Variants in MOGAT2 observed in about 807,000 individuals in gnomAD.
The protein encoded by MOGAT2 is 2-acylglycerol O-acyltransferase 2.
Under a neutral mutation model 31.5 loss-of-function variants are expected in MOGAT2, and 27 were observed. That is an observed-to-expected ratio of 0.86 (90% CI 0.63 to 1.18). The LOEUF (loss-of-function observed/expected upper bound fraction) is 1.18. Ranked by LOEUF, MOGAT2 falls within the 50% of genes most tolerant of loss-of-function variation. The pLI, the probability that MOGAT2 is intolerant of heterozygous loss-of-function variation, is 0.00. For synonymous variants in MOGAT2, 163 were observed against 170.0 expected (o/e 0.96, Z 0.32); for missense variants, 436 against 433.2 (o/e 1.01, Z -0.06).
chr11:75,726,767 C>T (rs1321550629), intron 2 of MOGAT2, among the ~76,000 whole-genome samples: 2 of 141,580 alleles, frequency 1.4e-5, no homozygotes, highest in Admixed American at 7.3e-5. Context: ...GGTGTGATCT[C>T]GGCTCACTGC....
At chr11:75,723,576 C>T (rs2156629) in intron 2 of MOGAT2, among the ~76,000 whole-genome samples, 151,872 of 152,134 alleles carry the variant, frequency 1, 75,809 homozygotes, top group Middle Eastern at 1. Flanking sequence ...ACTACAGACA[C>T]GCACCACCAC....
Position 75,731,610 on chromosome 11 carries a change from G to C in MOGAT2, c.*324G>C, listed in dbSNP as rs1033669472. ...GAGAGCCAAAGCTGCACGGACTCGA[G>C]TCCTAGGCTGCACACCTCACAAGCA... On this transcript the variant is annotated 3_prime_UTR_variant, in exon 6 of 6. Transcript: ENST00000198801. 5.8e-5 allele frequency: 14 copies of C among 240,130 alleles called. No individual in the cohort carries two copies. Among genetic ancestry groups the C allele is most frequent in the Non-Finnish European group, 9.5e-5 (12 of 125,738 alleles). The allele number at this position is 240,130 out of a possible 1,614,324, so 14.9% of individuals were successfully genotyped here.
intron 3 of MOGAT2, 35 bp from the exon 4 acceptor site, chr11:75,727,935 C>G (rs1565301438): frequency 6.4e-7 from 1 of 1,554,556 alleles, no homozygotes. Flanking sequence ...CCTGCTCCCT[C>G]ACCCCATACC....
In MOGAT2 at chr11:75,731,199, G is replaced by C; in HGVS notation, c.918G>C (p.Gln306His). The C allele has an allele frequency of 6.2e-7, 1 of 1,614,154 alleles. No individual in the cohort carries two copies. The highest frequency in any genetic ancestry group is 8.5e-7 in the Non-Finnish European group (1 of 1,180,032). Reference protein sequence around the residue: ...PSEEEVNQLHQRYIKELCNLF... With the variant: ...PSEEEVNQLHHRYIKELCNLF... Reference sequence around the variant, plus strand: ...AGGAGGAGGTGAACCAGCTGCACCAGCGTTATATCAAAGAGCTGTGCAACC... The same window carrying C: ...AGGAGGAGGTGAACCAGCTGCACCACCGTTATATCAAAGAGCTGTGCAACC... Residue 306 changes from glutamine to histidine, a missense_variant, in exon 6 of 6, where the codon CAG becomes CAC. Gln to His is a conservative substitution (Grantham distance 24). Transcript: ENST00000198801.
At chr11:75,720,810 T>A (rs1259693045) in intron 2 of MOGAT2, among the ~76,000 whole-genome samples, 2 of 152,158 alleles carry the variant, frequency 1.3e-5, no homozygotes, top group Non-Finnish European at 2.9e-5. Flanking sequence ...CTGCATGCCT[T>A]CAAATCTCTG....
chr11:75,726,963 T>A (rs1944426952), intron 2 of MOGAT2, among the ~76,000 whole-genome samples: 1 of 152,172 alleles, frequency 6.6e-6, no homozygotes, highest in African/African-American at 2.4e-5. Context: ...GTGCTGGGAT[T>A]ACAGGCGTGA....
chr11:75,726,115 GCT>G (rs1944419281), intron 2 of MOGAT2, among the ~76,000 whole-genome samples: 2 of 152,174 alleles, frequency 1.3e-5, no homozygotes, highest in Admixed American at 1.3e-4. Context: ...AATGACAGCA[GCT>G]CTCTCTCACT....
rs1367435789 is a variant in MOGAT2, at chr11:75,732,174, G to A, written c.*888G>A. ...GTGTGTGCACTGTTTCCACCCTGAG[G>A]CCTGGAAGGATGAATGGAAGCAGCA... On this transcript the variant is annotated 3_prime_UTR_variant, in exon 6 of 6. Coordinates refer to ENST00000198801, the MANE Select transcript of MOGAT2 (RefSeq NM_025098.4). 1 of 152,274 alleles carries A rather than the reference G, an allele frequency of 6.6e-6. No homozygotes were observed. The highest frequency in any genetic ancestry group is 1.5e-5 in the Non-Finnish European group (1 of 68,108). 9.4% of individuals were successfully genotyped at this position (152,274 alleles called of 1,614,324 possible). A position where few individuals can be genotyped will look rare whatever the true frequency, so the allele number is the denominator to read the frequency against.
chr11:75,728,890 C>T lies in MOGAT2; in HGVS notation c.751C>T (p.Gln251Ter), dbSNP rs1485599080. ...SWLRYIQNRL[Q>*]KIMGISLPLF... ...GTTACGCTATATCCAGAATCGGTTG[C>T]AGAAGATCATGGGCATCTCCCTCCC... Residue 251 changes from glutamine to a stop codon, truncating the protein, a stop_gained, in exon 5 of 6, where the codon CAG (glutamine) becomes TAG (stop). Transcript: ENST00000198801. LOFTEE classifies it high-confidence loss of function. 4 of 1,614,208 alleles carry T rather than the reference C, an allele frequency of 2.5e-6. No individual in the cohort carries two copies. The highest frequency in any genetic ancestry group is 3.4e-6 in the Non-Finnish European group (4 of 1,180,042).
Position 75,731,354 on chromosome 11 carries a change from G to T in MOGAT2, c.*68G>T, listed in dbSNP as rs1944478113. On this transcript the variant is annotated 3_prime_UTR_variant, in exon 6 of 6. Coordinates refer to ENST00000198801, the MANE Select transcript of MOGAT2 (RefSeq NM_025098.4). ...GCTGTGCTGAGAAGACTTCCTGGAG[G>T]TGTTTGTTGAACATATCTGCAGAGC... 2 of 1,545,664 alleles carry T rather than the reference G, an allele frequency of 1.3e-6. No individual in the cohort carries two copies. The highest frequency in any genetic ancestry group is 2.4e-5 in the South Asian group (2 of 84,906).
chr11:75,723,747 T>C (rs903402568), intron 2 of MOGAT2, among the ~76,000 whole-genome samples: 1 of 152,190 alleles, frequency 6.6e-6, no homozygotes, highest in African/African-American at 2.4e-5. Context: ...ATGCATTTTA[T>C]GGTGCATAAA....
chr11:75,729,917 G>T (rs1045461686), intron 5 of MOGAT2, among the ~76,000 whole-genome samples: 1 of 151,650 alleles, frequency 6.6e-6, no homozygotes. Flanking sequence ...GGTAATTTTT[G>T]TATTTTTAGT....
At position 75,730,914 on chromosome 11, in the gene MOGAT2, C is replaced by CAAAA. The variant is rs767670159; in HGVS notation, c.851-206_851-203dup. The CAAAA allele has an allele frequency of 8.9e-3, 1,550 of 173,650 alleles. 47 individuals are homozygous for CAAAA. The highest frequency in any genetic ancestry group is 0.058 in the African/African-American group (1,432 of 24,664). 10.8% of individuals were successfully genotyped at this position (173,650 alleles called of 1,614,324 possible). A position where few individuals can be genotyped will look rare whatever the true frequency, so the allele number is the denominator to read the frequency against. On this transcript the variant is annotated intron_variant, in intron 5 of 5. Transcript: ENST00000198801. Reference sequence around the variant, plus strand: ...TGGGCTACAGAGCGAGACTCTACCTCAAAAAAAAAAAAAAAGAAAAGAAAA... The same window carrying CAAAA: ...TGGGCTACAGAGCGAGACTCTACCTCAAAAAAAAAAAAAAAAAAAGAAAAGAAAA...
At position 75,719,983 on chromosome 11, in the gene MOGAT2, C is replaced by G; in HGVS notation, c.92-9C>G. 1 of 1,603,258 alleles carries G rather than the reference C, an allele frequency of 6.2e-7. No homozygotes were observed. Among genetic ancestry groups the G allele is most frequent in the South Asian group, 1.1e-5 (1 of 90,736 alleles). ...CCCTGTCCCTGACAGCTCCTTCTTC[C>G]CTCCCCAGCCGAGATCTGCACTGTG... is the stretch of plus-strand genomic sequence containing the variant. On this transcript the variant is annotated splice_polypyrimidine_tract_variant and intron_variant, in intron 1 of 5. Transcript: ENST00000198801.
chr11:75,718,460 G>A (rs1944348901), intron 1 of MOGAT2, among the ~76,000 whole-genome samples: 1 of 152,110 alleles, frequency 6.6e-6, no homozygotes, highest in Non-Finnish European at 1.5e-5. Context: ...CTGTGGAGTG[G>A]GCATGCTGGG....
intron 2 of MOGAT2, 45 bp from the exon 3 acceptor site, chr11:75,727,390 G>A (rs187198353): frequency 6.3e-7 from 1 of 1,580,586 alleles, no homozygotes; most frequent in East Asian, 2.3e-5. Context: ...AGTCAGGGCT[G>A]GTACACAGGC....
intron 2 of MOGAT2, 125 bp downstream of exon 2, chr11:75,720,295 G>A: frequency 9.4e-7 from 1 of 1,061,394 alleles, no homozygotes; most frequent in Non-Finnish European, 1.4e-6. Context: ...GGGCTGGGAG[G>A]CAGGAGCTAG....
intron 2 of MOGAT2, among the ~76,000 whole-genome samples, chr11:75,723,350 C>G (rs886973790): frequency 6.6e-6 from 1 of 152,106 alleles, no homozygotes; most frequent in African/African-American, 2.4e-5. Context: ...CACTGAGTGG[C>G]CAGCAGAGGG....
intron 2 of MOGAT2, among the ~76,000 whole-genome samples, chr11:75,726,375 T>C (rs1435975390): frequency 6.6e-6 from 1 of 152,194 alleles, no homozygotes; most frequent in Non-Finnish European, 1.5e-5. Context: ...GAAGTGCCAA[T>C]TTTTTGCCCC....
Sources: gnomAD v4.1 joint callset for allele counts (sites outside exome capture counted in the v4.1 genomes callset) on GRCh38, gnomAD v4.1.1 for gene constraint, MANE v1.5 for transcripts, NCBI Gene and HGNC (gene_info 2026-07-23, HGNC 2026-07-21) for gene names.